Variants in B3GAT2 observed in about 807,000 individuals in gnomAD.
The protein encoded by B3GAT2 is beta-1,3-glucuronyltransferase 2.
B3GAT2 carries 26 observed loss-of-function variants against 27.8 expected under a neutral mutation model. That is an observed-to-expected ratio of 0.93 (90% CI 0.68 to 1.30). The LOEUF (loss-of-function observed/expected upper bound fraction) is 1.30. Ranked by LOEUF, B3GAT2 falls within the 50% of genes most tolerant of loss-of-function variation. The probability of loss-of-function intolerance (pLI) is 0.00; values close to 1 mark genes in which losing one functional copy is unlikely to be tolerated. For synonymous variants in B3GAT2, 218 were observed against 195.1 expected, an observed-to-expected ratio of 1.12 and a Z score of -0.98; for missense variants, 458 against 459.0, an observed-to-expected ratio of 1.00 and a Z score of 0.02.
chr6:70,893,717 TA>T (rs1393994069), intron 2 of B3GAT2, among the ~76,000 whole-genome samples: 2 of 152,154 alleles, frequency 1.3e-5, no homozygotes, highest in Admixed American at 1.3e-4. Context: ...ATATCATTGT[TA>T]AATTTATCAA....
intron 1 of B3GAT2, among the ~76,000 whole-genome samples, chr6:70,947,452 C>T (rs998339367): frequency 1.3e-5 from 2 of 152,008 alleles, no homozygotes; most frequent in African/African-American, 4.8e-5. Flanking sequence ...ACTACAAACA[C>T]CTCTACGCAA....
chr6:70,916,247 T>C (rs1480046645), intron 1 of B3GAT2, among the ~76,000 whole-genome samples: 1 of 152,206 alleles, frequency 6.6e-6, no homozygotes, highest in African/African-American at 2.4e-5. Flanking sequence ...TGTACATTGA[T>C]TTTGTATCCT....
intron 1 of B3GAT2, among the ~76,000 whole-genome samples, chr6:70,930,928 C>T (rs1773051425): frequency 6.6e-6 from 1 of 152,140 alleles, no homozygotes; most frequent in African/African-American, 2.4e-5. Flanking sequence ...AGACTTGGAA[C>T]CAACCCAAAT....
rs1562209011 is a variant in B3GAT2 at position 70,860,294 on chromosome 6, G to A, written c.*1369C>T. On this transcript the variant is annotated 3_prime_UTR_variant, in exon 4 of 4. Transcript: ENST00000230053. ...AGCACAACAGCAGGATGGTCTGGAA[G>A]CTCATCAGGTCAGACTCTCAGCACA... 1.2e-6 allele frequency: 2 copies of A among 1,613,556 alleles called. No homozygotes were observed. Among genetic ancestry groups the A allele is most frequent in the Non-Finnish European group, 1.7e-6 (2 of 1,179,816 alleles).
Position 70,861,888 on chromosome 6 carries a change from A to AAGTC in B3GAT2, c.823_826dup (p.Phe276Ter), listed in dbSNP as rs1391286319. The AAGTC allele has an allele frequency of 1.9e-6, 3 of 1,614,018 alleles. No homozygotes were observed. The East Asian group carries it at 6.7e-5, about 36-fold the overall frequency. ...TTCGACTGTTGTTATCTGTTTGAGA[A>AAGTC]AGTCAGATTCTTGCATCCCTGGCTG... On this transcript the variant is annotated stop_gained and frameshift_variant, in exon 3 of 4. Coordinates refer to ENST00000230053, the MANE Select transcript of B3GAT2 (RefSeq NM_080742.3). LOFTEE classifies it high-confidence loss of function.
chr6:70,945,010 G>A (rs1582398763), intron 1 of B3GAT2, among the ~76,000 whole-genome samples: 1 of 152,278 alleles, frequency 6.6e-6, no homozygotes, highest in Non-Finnish European at 1.5e-5. Flanking sequence ...GCAGCTGAGG[G>A]TCCTGTCTGT....
intron 1 of B3GAT2, among the ~76,000 whole-genome samples, chr6:70,934,368 C>G (rs951613257): frequency 9.9e-5 from 15 of 151,240 alleles, no homozygotes; most frequent in Admixed American, 2.6e-4. Flanking sequence ...ACCCCCGCCC[C>G]ACCCCACTTC....
At chr6:70,933,394 A>T (rs1773090737) in intron 1 of B3GAT2, among the ~76,000 whole-genome samples, 1 of 152,196 alleles carries the variant, frequency 6.6e-6, no homozygotes, top group Non-Finnish European at 1.5e-5. Flanking sequence ...AATGAAAAAA[A>T]TTAAAATAAA....
At chr6:70,919,014 T>C (rs901323105) in intron 1 of B3GAT2, among the ~76,000 whole-genome samples, 2 of 152,228 alleles carry the variant, frequency 1.3e-5, no homozygotes, top group Admixed American at 6.5e-5. Flanking sequence ...CCATTCTCCC[T>C]GTCACTTTCA....
chr6:70,922,191 C>G (rs1027546715), intron 1 of B3GAT2, among the ~76,000 whole-genome samples: 1 of 151,872 alleles, frequency 6.6e-6, no homozygotes, highest in Non-Finnish European at 1.5e-5. Context: ...TGTATAGGCA[C>G]CAAATAACAT....
At chr6:70,880,921 C>T (rs191113933) in intron 2 of B3GAT2, among the ~76,000 whole-genome samples, 128 of 152,220 alleles carry the variant, frequency 8.4e-4, no homozygotes, top group African/African-American at 2.8e-3. Flanking sequence ...CTCCTGCCTT[C>T]GCCTTCCAAA....
At chr6:70,945,650 A>C (rs1765468302) in intron 1 of B3GAT2, among the ~76,000 whole-genome samples, 2 of 149,612 alleles carry the variant, frequency 1.3e-5, no homozygotes, top group Admixed American at 6.7e-5. Flanking sequence ...AACACTCGGC[A>C]CGATATTATC....
intron 2 of B3GAT2, among the ~76,000 whole-genome samples, chr6:70,868,330 C>CA (rs1045825266): frequency 2.0e-5 from 3 of 152,136 alleles, no homozygotes; most frequent in Admixed American, 1.3e-4. Context: ...CCCACCCCCA[C>CA]AAAAAAGGCA....
intron 2 of B3GAT2, among the ~76,000 whole-genome samples, chr6:70,883,589 G>A (rs1772133431): frequency 6.6e-6 from 1 of 152,134 alleles, no homozygotes; most frequent in Non-Finnish European, 1.5e-5. Flanking sequence ...AGGAGTTATT[G>A]TTTAGTGAGC....
intron 1 of B3GAT2, among the ~76,000 whole-genome samples, chr6:70,919,990 G>T (rs1259446836): frequency 6.6e-6 from 1 of 152,186 alleles, no homozygotes; most frequent in Non-Finnish European, 1.5e-5. Flanking sequence ...ATTTTTTTCA[G>T]ATATGCCCTG....
rs567407848 is a variant in B3GAT2, at chr6:70,923,300, C to T, written c.592-29028G>A. Among the ~76,000 whole-genome samples the T allele has an allele frequency of 6.6e-5, 10 of 152,300 alleles. No individual in the cohort carries two copies. The East Asian group carries it at 1.9e-3, about 29-fold the overall frequency. On this transcript the variant is annotated intron_variant, in intron 1 of 3. Coordinates refer to ENST00000230053, the MANE Select transcript of B3GAT2 (RefSeq NM_080742.3). ...CAGCCCAGCCCTGAAATAAGGGCTGCCCTTCTTTCTGTGTTCCAGAATTTA... is the reference window on the plus strand; with the variant it reads ...CAGCCCAGCCCTGAAATAAGGGCTGTCCTTCTTTCTGTGTTCCAGAATTTA...
chr6:70,908,230 C>T (rs927254033), intron 1 of B3GAT2, among the ~76,000 whole-genome samples: 2 of 152,130 alleles, frequency 1.3e-5, no homozygotes, highest in East Asian at 1.9e-4. Flanking sequence ...AAGGACATTG[C>T]CTCCAGGGAG....
Position 70,940,925 on chromosome 6 carries a change from C to G in B3GAT2, c.591+14914G>C, listed in dbSNP as rs1477151031. Among the ~76,000 whole-genome samples, 3 of 152,136 alleles carry G rather than the reference C, an allele frequency of 2.0e-5. No homozygotes were observed. In the East Asian group the frequency reaches 5.8e-4, roughly 29 times the overall value. On this transcript the variant is annotated intron_variant, in intron 1 of 3. Coordinates refer to ENST00000230053, the MANE Select transcript of B3GAT2 (RefSeq NM_080742.3). Reference sequence around the variant, plus strand: ...ACATGTAAGTCAACTTCCTAGCTTTCACCGTTAGGAGTTAGCATCAGAAGT... The same window carrying G: ...ACATGTAAGTCAACTTCCTAGCTTTGACCGTTAGGAGTTAGCATCAGAAGT...
At chr6:70,888,958 C>CT (rs1230247532) in intron 2 of B3GAT2, among the ~76,000 whole-genome samples, 3 of 152,204 alleles carry the variant, frequency 2.0e-5, no homozygotes. Flanking sequence ...TCATTTTCGA[C>CT]CCCACGATGT....
Sources: gnomAD v4.1 joint callset for allele counts (sites outside exome capture counted in the v4.1 genomes callset) on GRCh38, gnomAD v4.1.1 for gene constraint, MANE v1.5 for transcripts, NCBI Gene and HGNC (gene_info 2026-07-23, HGNC 2026-07-21) for gene names.